The following SHISA9 variants were observed in gnomAD, a reference collection of about 807,000 sequenced individuals.
SHISA9 encodes the protein protein shisa-9.
Under a neutral mutation model 38.0 loss-of-function variants are expected in SHISA9, and 13 were observed. The observed-to-expected ratio is 0.34, with a 90% confidence interval of 0.22 to 0.54. The LOEUF (loss-of-function observed/expected upper bound fraction) is 0.54, where lower values mean the gene tolerates loss of function less well. Among genes scored for constraint, SHISA9 ranks in the 20% least tolerant of loss-of-function variants. The pLI, the probability that SHISA9 is intolerant of heterozygous loss-of-function variation, is 0.91. For missense variants in SHISA9, 538 were observed against 575.8 expected, an observed-to-expected ratio of 0.93 and a Z score of 0.67; for synonymous variants, 275 against 242.0, an observed-to-expected ratio of 1.14 and a Z score of -1.27.
the SHISA9 span, among the ~76,000 whole-genome samples, chr16:13,252,745 A>T: frequency 6.6e-6 from 1 of 152,160 alleles, no homozygotes; most frequent in Non-Finnish European, 1.5e-5. Flanking sequence ...ACTGGGATGG[A>T]AGCTCCATGG....
intron 2 of SHISA9, among the ~76,000 whole-genome samples, chr16:13,038,705 T>C (rs1006122331): frequency 1.3e-5 from 2 of 152,214 alleles, no homozygotes; most frequent in Non-Finnish European, 2.9e-5. Flanking sequence ...ATACCAACCA[T>C]ACAAAGTTAT....
the SHISA9 span, among the ~76,000 whole-genome samples, chr16:13,512,909 GAAGA>G: frequency 6.6e-6 from 1 of 152,104 alleles, no homozygotes; most frequent in Non-Finnish European, 1.5e-5. Flanking sequence ...AAAAACCCTG[GAAGA>G]AAACCTAGGC....
chr16:13,211,205 G>A (rs1447888509), intron 3 of SHISA9, among the ~76,000 whole-genome samples: 1 of 151,898 alleles, frequency 6.6e-6, no homozygotes, highest in Non-Finnish European at 1.5e-5. Context: ...GCTGAGGCAG[G>A]AGAATCACTT....
At chr16:13,351,601 A>G in the SHISA9 span, among the ~76,000 whole-genome samples, 3 of 152,158 alleles carry the variant, frequency 2.0e-5, no homozygotes. Context: ...ACACTTGCCC[A>G]GGTTACTGTT....
At chr16:13,550,723 G>A in the SHISA9 span, among the ~76,000 whole-genome samples, 40 of 152,204 alleles carry the variant, frequency 2.6e-4, no homozygotes, top group Non-Finnish European at 4.7e-4. Flanking sequence ...ACTGCGAATG[G>A]AGGAGGAACA....
rs2051415333 is a variant in SHISA9, at chr16:13,239,279, T to A, written c.*3870T>A. On this transcript the variant is annotated 3_prime_UTR_variant, in exon 5 of 5. Coordinates refer to ENST00000558583, the MANE Select transcript of SHISA9 (RefSeq NM_001145204.3). ...GGTTCCAAGTCTTTGCTATTGTGAA[T>A]AGTGCCGCAATAAACATACGTGTGC... is the stretch of plus-strand genomic sequence containing the variant. The A allele has an allele frequency of 6.6e-6, 1 of 151,842 alleles. No homozygotes were observed. The highest frequency in any genetic ancestry group is 1.5e-5 in the Non-Finnish European group (1 of 67,994). 9.4% of individuals were successfully genotyped at this position (151,842 alleles called of 1,614,324 possible).
chr16:13,127,859 T>G (rs1290379937), intron 2 of SHISA9, among the ~76,000 whole-genome samples: 1 of 152,122 alleles, frequency 6.6e-6, no homozygotes, highest in Non-Finnish European at 1.5e-5. Context: ...TGTAGCGCTT[T>G]GGAGAGAAGC....
the SHISA9 span, among the ~76,000 whole-genome samples, chr16:13,380,344 G>A: frequency 2.3e-4 from 35 of 152,240 alleles, no homozygotes; most frequent in African/African-American, 8.2e-4. Flanking sequence ...TTAAAAGAAG[G>A]GGGGAAAGAG....
At chr16:13,321,202 T>A in the SHISA9 span, among the ~76,000 whole-genome samples, 55 of 152,342 alleles carry the variant, frequency 3.6e-4, no homozygotes, top group East Asian at 8.1e-3. Flanking sequence ...TCCATCCATC[T>A]ACAGGTGGCA....
intron 2 of SHISA9, among the ~76,000 whole-genome samples, chr16:13,185,330 T>C (rs2050811071): frequency 6.6e-6 from 1 of 152,166 alleles, no homozygotes; most frequent in Non-Finnish European, 1.5e-5. Context: ...GTTTCCCAAG[T>C]AGCTGGGCCT....
At chr16:13,432,982 G>C in the SHISA9 span, among the ~76,000 whole-genome samples, 4,555 of 152,118 alleles carry the variant, frequency 0.03, 123 homozygotes, top group African/African-American at 0.074. Flanking sequence ...TTAATGCTTA[G>C]GTGATGAAAT....
At chr16:13,546,642 T>C in the SHISA9 span, among the ~76,000 whole-genome samples, 17,113 of 152,226 alleles carry the variant, frequency 0.11, 1,073 homozygotes, top group Non-Finnish European at 0.15. Context: ...GTAAAAGTCC[T>C]TTCTACTGCC....
intron 2 of SHISA9, among the ~76,000 whole-genome samples, chr16:13,086,893 C>T (rs1040718755): frequency 6.6e-6 from 1 of 151,756 alleles, no homozygotes; most frequent in Non-Finnish European, 1.5e-5. Context: ...GCACATGTGC[C>T]ATGTTGGTTT....
chr16:13,022,279 G>C (rs888978258), intron 2 of SHISA9, among the ~76,000 whole-genome samples: 2 of 151,786 alleles, frequency 1.3e-5, no homozygotes, highest in Non-Finnish European at 2.9e-5. Context: ...AGCCTCTCGA[G>C]TAACTGGGAC....
the SHISA9 span, among the ~76,000 whole-genome samples, chr16:13,428,464 C>T: frequency 6.6e-6 from 1 of 152,166 alleles, no homozygotes; most frequent in African/African-American, 2.4e-5. Context: ...TAGACACAAA[C>T]TCTAAGTGGA....
chr16:13,307,513 G>A, the SHISA9 span, among the ~76,000 whole-genome samples: 1 of 152,112 alleles, frequency 6.6e-6, no homozygotes, highest in Non-Finnish European at 1.5e-5. Flanking sequence ...GAAAGCACAG[G>A]GGCTGATGCC....
intron 2 of SHISA9, among the ~76,000 whole-genome samples, chr16:12,940,458 C>T (rs1291596669): frequency 1.3e-5 from 2 of 148,888 alleles, no homozygotes; most frequent in African/African-American, 4.9e-5. Context: ...TCTCACCTCA[C>T]TATGTGCCTG....
intron 2 of SHISA9, among the ~76,000 whole-genome samples, chr16:13,182,224 T>C (rs1223293143): frequency 6.6e-6 from 1 of 152,214 alleles, no homozygotes; most frequent in Non-Finnish European, 1.5e-5. Flanking sequence ...TCCTATAAAA[T>C]AAGTGTCATT....
chr16:13,220,168 C>T (rs1330149217), intron 4 of SHISA9, among the ~76,000 whole-genome samples: 4 of 152,160 alleles, frequency 2.6e-5, no homozygotes, highest in African/African-American at 9.7e-5. Flanking sequence ...GTGATTTCAG[C>T]TGATGTGGGA....
Sources: allele counts gnomAD v4.1 joint callset (sites outside exome capture counted in the v4.1 genomes callset), GRCh38; gene constraint gnomAD v4.1.1; transcripts MANE v1.5; gene names NCBI Gene and HGNC (gene_info 2026-07-23, HGNC 2026-07-21).